Variants in ZNF469 observed in about 807,000 individuals in gnomAD.
ZNF469 encodes zinc finger protein 469.
ZNF469 carries 1 observed loss-of-function variant against 1.0 expected under a neutral mutation model. The ratio of observed to expected loss-of-function variants is 1.00; its 90% CI spans 0.35 to 4.73. The LOEUF is 4.73. ZNF469 is among the 30% of genes most tolerant of loss of function. ZNF469 has a pLI of 0.16. For synonymous variants in ZNF469, 2,703 were observed against 2,363.4 expected (o/e 1.14, Z -4.17); for missense variants, 6,100 against 5,356.3 (o/e 1.14, Z -4.33).
rs1397103102 is a variant in ZNF469, at chr16:88,438,724, C to G, written c.11254C>G (p.Pro3752Ala). ...TKTGGGSQPQ[P>A]ASGQLQSETA... ...GACAGGAGGTGGCAGCCAGCCCCAGCCAGCCAGCGGGCAGCTCCAGAGCGA... is the reference window on the plus strand; with the variant it reads ...GACAGGAGGTGGCAGCCAGCCCCAGGCAGCCAGCGGGCAGCTCCAGAGCGA... Residue 3752 changes from proline to alanine, a missense_variant, in exon 3 of 3, where the codon CCA becomes GCA. By Grantham distance (27) the Pro-to-Ala change is conservative. Transcript: ENST00000565624. The G allele has an allele frequency of 2.6e-6, 4 of 1,550,058 alleles. No individual in the cohort carries two copies. The highest frequency in any genetic ancestry group is 3.5e-6 in the Non-Finnish European group (4 of 1,146,862).
At chr16:88,158,050 G>A in the ZNF469 span, among the ~76,000 whole-genome samples, 16 of 152,026 alleles carry the variant, frequency 1.1e-4, no homozygotes, top group Admixed American at 2.0e-4. Context: ...GGGATGCTCC[G>A]GGGGTCTGCT....
the ZNF469 span, among the ~76,000 whole-genome samples, chr16:88,311,710 T>G: frequency 6.6e-6 from 1 of 152,240 alleles, no homozygotes; most frequent in Non-Finnish European, 1.5e-5. Flanking sequence ...TGTGAGTACC[T>G]GCCAGGTAGA....
the ZNF469 span, among the ~76,000 whole-genome samples, chr16:88,259,778 TC>T: frequency 2.6e-5 from 4 of 151,994 alleles, no homozygotes; most frequent in Non-Finnish European, 5.9e-5. The surrounding 1 kb of genome is among the most constrained non-coding windows in gnomAD (Gnocchi z 4.1). Context: ...CGCTGATCCC[TC>T]CCTCCAGGGA....
In ZNF469 at chr16:88,433,764, C is replaced by A; in HGVS notation, c.6294C>A (p.Ala2098=). 1 of 1,549,544 alleles carries A rather than the reference C, an allele frequency of 6.5e-7. No homozygotes were observed. The highest frequency in any genetic ancestry group is 1.7e-4 in the Middle Eastern group (1 of 5,992). ...SSPGLNKPLL[A]TGDSPAPSVG... is the part of the protein sequence containing the mutation. Reference sequence around the variant, plus strand: ...CCGGCCTGAACAAGCCACTGCTGGCCACAGGGGATAGCCCAGCACCCTCTG... The same window carrying A: ...CCGGCCTGAACAAGCCACTGCTGGCAACAGGGGATAGCCCAGCACCCTCTG... Residue 2098 remains alanine (A), a synonymous_variant, in exon 3 of 3, where the codon GCC becomes GCA. Coordinates refer to ENST00000565624, the MANE Select transcript of ZNF469 (RefSeq NM_001367624.2).
the ZNF469 span, among the ~76,000 whole-genome samples, chr16:88,244,032 C>A: frequency 1.6e-5 from 2 of 127,096 alleles, no homozygotes; most frequent in East Asian, 2.5e-4. Context: ...GTGCACGGAT[C>A]ATCGGTGGAT....
chr16:88,114,632 G>A, the ZNF469 span, among the ~76,000 whole-genome samples: 1 of 152,240 alleles, frequency 6.6e-6, no homozygotes, highest in African/African-American at 2.4e-5. Flanking sequence ...CGTGCCTCCA[G>A]CTTCTGCAAG....
chr16:88,103,226 C>G, the ZNF469 span, among the ~76,000 whole-genome samples: 1 of 152,062 alleles, frequency 6.6e-6, no homozygotes, highest in Non-Finnish European at 1.5e-5. Context: ...GGCCTCTCGC[C>G]CAGTGTGGTG....
chr16:88,247,723 G>A, the ZNF469 span, among the ~76,000 whole-genome samples: 19 of 152,226 alleles, frequency 1.2e-4, no homozygotes, highest in African/African-American at 4.6e-4. Flanking sequence ...GTCAATGAGC[G>A]AGTGAGTGAG....
chr16:88,235,881 C>T, the ZNF469 span, among the ~76,000 whole-genome samples: 1 of 152,222 alleles, frequency 6.6e-6, no homozygotes, highest in African/African-American at 2.4e-5. Flanking sequence ...CAGGCAGAGT[C>T]AGTCAATACT....
intron 1 of ZNF469, among the ~76,000 whole-genome samples, chr16:88,385,674 C>T (rs1382228261): frequency 1.3e-5 from 2 of 151,710 alleles, no homozygotes; most frequent in Non-Finnish European, 2.9e-5. Context: ...TGTTACCCTG[C>T]CTGCCTCCTT....
Position 88,430,709 on chromosome 16 carries a change from C to T in ZNF469, c.3239C>T (p.Pro1080Leu). 1 of 1,482,320 alleles carries T rather than the reference C, an allele frequency of 6.7e-7. No individual in the cohort carries two copies. Among genetic ancestry groups the T allele is most frequent in the Non-Finnish European group, 8.9e-7 (1 of 1,125,736 alleles). The allele number at this position is 1,482,320 out of a possible 1,614,324, so 91.8% of individuals were successfully genotyped here. A position where few individuals can be genotyped will look rare whatever the true frequency, so the allele number is the denominator to read the frequency against. Residue 1080 changes from proline (P) to leucine (L), a missense_variant, in exon 3 of 3, where the codon CCC (proline) becomes CTC (leucine). By Grantham distance (98) the Pro-to-Leu change is moderately conservative. Transcript: ENST00000565624. Reference sequence around the variant, plus strand: ...TGCGGCTCCCTGGCGGCGGGGAGGCCCCGGCCCGGAGCTGAGGACCGCAGG... The same window carrying T: ...TGCGGCTCCCTGGCGGCGGGGAGGCTCCGGCCCGGAGCTGAGGACCGCAGG... The part of the protein sequence containing the change: ...GRCGSLAAGR[P>L]RPGAEDRRLR...
the ZNF469 span, among the ~76,000 whole-genome samples, chr16:88,193,249 A>G: frequency 1.7e-3 from 106 of 63,542 alleles, no homozygotes; most frequent in Middle Eastern, 0.01. Flanking sequence ...GGTGGTGGTG[A>G]TGGTGGTGAT....
chr16:88,223,905 C>T, the ZNF469 span, among the ~76,000 whole-genome samples: 4 of 152,222 alleles, frequency 2.6e-5, no homozygotes, highest in African/African-American at 9.7e-5. Context: ...CGCTCAGCAC[C>T]GCGTCCCGCC....
the ZNF469 span, among the ~76,000 whole-genome samples, chr16:88,372,632 C>T: frequency 5.7e-3 from 868 of 151,872 alleles, no homozygotes; most frequent in African/African-American, 0.019. Context: ...TCTTCACCAT[C>T]ACCACCATCA....
At chr16:88,243,952 A>ATATATAAAT in the ZNF469 span, among the ~76,000 whole-genome samples, 2 of 121,206 alleles carry the variant, frequency 1.7e-5, no homozygotes, top group Non-Finnish European at 3.4e-5. Context: ...ATATATATAT[A>ATATATAAAT]AATGTATGTG....
chr16:88,149,411 C>A, the ZNF469 span, among the ~76,000 whole-genome samples: 71 of 152,268 alleles, frequency 4.7e-4, no homozygotes, highest in African/African-American at 1.7e-3. Flanking sequence ...GTGTCTGTGT[C>A]CTGACAGAGG....
At chr16:88,145,573 A>G in the ZNF469 span, among the ~76,000 whole-genome samples, 1 of 152,236 alleles carries the variant, frequency 6.6e-6, no homozygotes, top group Non-Finnish European at 1.5e-5. Flanking sequence ...TTCTGCTGCC[A>G]GGTCTGGTCT....
At chr16:88,102,271 C>G in the ZNF469 span, among the ~76,000 whole-genome samples, 5 of 152,190 alleles carry the variant, frequency 3.3e-5, no homozygotes, top group East Asian at 9.6e-4. Context: ...AATCCCAGCA[C>G]TTTGGGAGGC....
chr16:88,200,129 A>G, the ZNF469 span, among the ~76,000 whole-genome samples: 61,192 of 151,902 alleles, frequency 0.4, 12,577 homozygotes, highest in Admixed American at 0.48. Context: ...GCACGGCCGA[A>G]GAGAACACGG....
Sources: gnomAD v4.1 joint callset for allele counts (sites outside exome capture counted in the v4.1 genomes callset) on GRCh38, gnomAD v4.1.1 for gene constraint, Gnocchi (gnomAD v3.1) non-coding constraint, MANE v1.5 for transcripts, NCBI Gene and HGNC (gene_info 2026-07-23, HGNC 2026-07-21) for gene names.